The following MLIP variants were observed in gnomAD, a reference collection of about 807,000 sequenced individuals.
MLIP encodes the protein muscular LMNA-interacting protein.
In MLIP, 79 loss-of-function variants were observed where a neutral mutation model predicts 84.8. The observed-to-expected ratio is 0.93, with a 90% CI of 0.78 to 1.12. The LOEUF (loss-of-function observed/expected upper bound fraction) is 1.12. Ranked by LOEUF, MLIP falls within the 50% of genes most tolerant of loss-of-function variation. The pLI, the probability that MLIP is intolerant of heterozygous loss-of-function variation, is 0.00. For synonymous variants in MLIP, 504 were observed against 463.0 expected, an observed-to-expected ratio of 1.09 and a Z score of -1.14; for missense variants, 1,257 against 1,160.6, an observed-to-expected ratio of 1.08 and a Z score of -1.21.
intron 13 of MLIP, chr6:54,261,831 T>A (rs1783413526): frequency 1.4e-6 from 1 of 693,184 alleles, no homozygotes; most frequent in Non-Finnish European, 1.8e-6. Context: ...TTCAGGCAAT[T>A]TTCCAAAACA....
intron 9 of MLIP, among the ~76,000 whole-genome samples, chr6:54,175,796 C>T: frequency 6.6e-6 from 1 of 151,958 alleles, no homozygotes; most frequent in East Asian, 1.9e-4. Context: ...CAGTGGACAT[C>T]CTTGTCGTCT....
chr6:54,157,389 G>C (rs541482309), intron 5 of MLIP, among the ~76,000 whole-genome samples: 1 of 152,212 alleles, frequency 6.6e-6, no homozygotes, highest in Non-Finnish European at 1.5e-5. Flanking sequence ...AGGTCCTCTA[G>C]CCAAACAACC....
chr6:54,022,578 C>T (rs2150262662), intron 1 of MLIP, among the ~76,000 whole-genome samples: 1 of 152,058 alleles, frequency 6.6e-6, no homozygotes, highest in South Asian at 2.1e-4. Flanking sequence ...AAAACTAAGA[C>T]AACAAATCTT....
At chr6:54,087,791 T>G (rs1015747341) in intron 1 of MLIP, among the ~76,000 whole-genome samples, 1 of 150,658 alleles carries the variant, frequency 6.6e-6, no homozygotes, top group African/African-American at 2.4e-5. Flanking sequence ...ACAAAATACT[T>G]TAAGATGCTT....
At chr6:54,062,902 A>G (rs991934852) in intron 1 of MLIP, among the ~76,000 whole-genome samples, 2 of 152,142 alleles carry the variant, frequency 1.3e-5, no homozygotes, top group Non-Finnish European at 2.9e-5. Flanking sequence ...CAGGGCTAGA[A>G]TTAATATGGG....
intron 1 of MLIP, among the ~76,000 whole-genome samples, chr6:54,104,297 G>C (rs1385644498): frequency 6.6e-6 from 1 of 152,004 alleles, no homozygotes; most frequent in Non-Finnish European, 1.5e-5. Flanking sequence ...AAAGATGCTG[G>C]CATCACTCTG....
At chr6:54,132,291 C>A in intron 3 of MLIP, among the ~76,000 whole-genome samples, 1 of 151,938 alleles carries the variant, frequency 6.6e-6, no homozygotes, top group South Asian at 2.1e-4. Context: ...TGTTTTATAT[C>A]TATGTTAGGA....
Position 54,259,154 on chromosome 6 carries a change from T to C in MLIP, c.2976+1793T>C, listed in dbSNP as rs545539655. Among the ~76,000 whole-genome samples the C allele has an allele frequency of 3.3e-5, 5 of 152,022 alleles. 1 individual carries two copies. The South Asian group carries it at 8.3e-4, about 25-fold the overall frequency. On this transcript the variant is annotated intron_variant, in intron 13 of 13. Coordinates refer to ENST00000502396, the MANE Select transcript of MLIP (RefSeq NM_001281747.2). ...TTTTTGCATTATCTTATGCATTTAT[T>C]GGTATGGTAATATATTTTTGTTGAG...
At chr6:54,191,885 A>G (rs1218590563) in intron 10 of MLIP, among the ~76,000 whole-genome samples, 1 of 151,922 alleles carries the variant, frequency 6.6e-6, no homozygotes, top group Non-Finnish European at 1.5e-5. Flanking sequence ...TATAAAATAT[A>G]GATTTTAGGT....
At chr6:54,056,138 A>G (rs1007339534) in intron 1 of MLIP, among the ~76,000 whole-genome samples, 2 of 152,198 alleles carry the variant, frequency 1.3e-5, no homozygotes, top group East Asian at 3.8e-4. Flanking sequence ...CATGTCTACA[A>G]GCATCCTACC....
At chr6:54,240,974 C>T (rs1781698911) in intron 12 of MLIP, among the ~76,000 whole-genome samples, 1 of 151,278 alleles carries the variant, frequency 6.6e-6, no homozygotes, top group Non-Finnish European at 1.5e-5. Context: ...GACTCCGTCT[C>T]AAAAAATAAA....
chr6:54,191,403 T>C (rs777711183), intron 10 of MLIP, among the ~76,000 whole-genome samples: 5 of 152,192 alleles, frequency 3.3e-5, no homozygotes, highest in Admixed American at 6.5e-5. Context: ...TTTATACATA[T>C]AGTGTGTATA....
At chr6:54,153,029 C>A (rs1334422903) in intron 5 of MLIP, among the ~76,000 whole-genome samples, 1 of 151,934 alleles carries the variant, frequency 6.6e-6, no homozygotes, top group Admixed American at 6.6e-5. Context: ...AGGGCTGGGG[C>A]TAGGTACAAT....
chr6:54,096,995 A>T (rs1274335964), intron 1 of MLIP, among the ~76,000 whole-genome samples: 6 of 152,164 alleles, frequency 3.9e-5, no homozygotes, highest in Non-Finnish European at 8.8e-5. Flanking sequence ...CAGGAAATGG[A>T]GCAACTGAGC....
chr6:54,259,485 C>T (rs1419770874), intron 13 of MLIP, among the ~76,000 whole-genome samples: 1 of 151,766 alleles, frequency 6.6e-6, no homozygotes, highest in Non-Finnish European at 1.5e-5. Context: ...ACAGCCAGTT[C>T]AGATAATAAA....
Position 54,266,206 on chromosome 6 carries a change from A to T in MLIP, c.*251A>T. On this transcript the variant is annotated 3_prime_UTR_variant, in exon 14 of 14. Transcript: ENST00000502396. Reference sequence around the variant, plus strand: ...TCTAGCCTTTAATGCCTTCTACTTAATATTAAGCTGACCGCAATACTAACG... The same window carrying T: ...TCTAGCCTTTAATGCCTTCTACTTATTATTAAGCTGACCGCAATACTAACG... 2.2e-6 allele frequency: 1 copy of T among 457,152 alleles called. No homozygotes were observed. The highest frequency in any genetic ancestry group is 3.9e-6 in the Non-Finnish European group (1 of 256,196). 28.3% of individuals were successfully genotyped at this position (457,152 alleles called of 1,614,324 possible).
intron 9 of MLIP, among the ~76,000 whole-genome samples, chr6:54,181,490 C>T (rs1051736318): frequency 3.3e-5 from 5 of 152,170 alleles, no homozygotes; most frequent in African/African-American, 1.2e-4. Context: ...ACCTCAAAAG[C>T]CTGTTTGTTG....
rs952106057 is a variant in MLIP at position 54,124,353 on chromosome 6, T to C, written c.253-120T>C. The stretch of plus-strand genomic sequence containing the variant: ...ACTTCAACCCAATCTCTTTCTTATG[T>C]CAACCTAATTTAATATATTTTTGAA... On this transcript the variant is annotated intron_variant, in intron 2 of 13. Transcript: ENST00000502396. The C allele has an allele frequency of 6.3e-6, 6 of 952,084 alleles. No individual in the cohort carries two copies. The African/African-American group carries it at 9.9e-5, about 16-fold the overall frequency. The allele number at this position is 952,084 out of a possible 1,614,324, so 59.0% of individuals were successfully genotyped here. A position where few individuals can be genotyped will look rare whatever the true frequency, so the allele number is the denominator to read the frequency against.
At chr6:54,106,386 CG>C (rs1415783821) in intron 1 of MLIP, among the ~76,000 whole-genome samples, 1 of 152,036 alleles carries the variant, frequency 6.6e-6, no homozygotes, top group African/African-American at 2.4e-5. Flanking sequence ...GACAGGGATA[CG>C]GATGGTTCAT....
Sources: gnomAD v4.1 joint callset for allele counts (sites outside exome capture counted in the v4.1 genomes callset) on GRCh38, gnomAD v4.1.1 for gene constraint, MANE v1.5 for transcripts, NCBI Gene and HGNC (gene_info 2026-07-23, HGNC 2026-07-21) for gene names.